Variants in CCDC171 observed in about 807,000 individuals in gnomAD.
The protein encoded by CCDC171 is coiled-coil domain-containing protein 171.
Under a neutral mutation model 168.2 loss-of-function variants are expected in CCDC171, and 177 were observed. That is an observed-to-expected ratio of 1.05 (90% CI 0.93 to 1.19). The LOEUF (loss-of-function observed/expected upper bound fraction) is 1.19. CCDC171 is among the 50% of genes most tolerant of loss of function. CCDC171 has a pLI of 0.00. For synonymous variants in CCDC171, 687 were observed against 540.8 expected (o/e 1.27, Z -3.75); for missense variants, 1,991 against 1,539.0 (o/e 1.29, Z -4.91).
intron 7 of CCDC171, among the ~76,000 whole-genome samples, chr9:15,637,986 G>C (rs956383322): frequency 1.3e-5 from 2 of 152,174 alleles, no homozygotes; most frequent in Non-Finnish European, 2.9e-5. Context: ...TATATACCCA[G>C]TAATGGGATG....
chr9:15,957,502 C>T (rs192006688), intron 25 of CCDC171, among the ~76,000 whole-genome samples: 4 of 152,266 alleles, frequency 2.6e-5, no homozygotes, highest in Non-Finnish European at 5.9e-5. Context: ...TAAGCTGTTT[C>T]CCCCTAACTG....
intron 3 of CCDC171, among the ~76,000 whole-genome samples, chr9:15,993,284 A>C (rs1194248427): frequency 6.6e-6 from 1 of 152,194 alleles, no homozygotes; most frequent in Non-Finnish European, 1.5e-5. Context: ...CCTCAGAAAT[A>C]ATACCACACA....
At chr9:15,562,312 A>G (rs923122149) in intron 1 of CCDC171, among the ~76,000 whole-genome samples, 3 of 152,044 alleles carry the variant, frequency 2.0e-5, no homozygotes, top group Non-Finnish European at 4.4e-5. Context: ...TGCTTCTTTA[A>G]GGTCAGCAGG....
In CCDC171 at chr9:15,972,030, TTTA is replaced by T. The variant is rs1433721313; in HGVS notation, c.*197_*199del. 8 of 526,172 alleles carry T rather than the reference TTTA, an allele frequency of 1.5e-5. No homozygotes were observed. Among genetic ancestry groups the T allele is most frequent in the Non-Finnish European group, 2.0e-5 (6 of 299,934 alleles). 32.6% of individuals were successfully genotyped at this position (526,172 alleles called of 1,614,324 possible). A position where few individuals can be genotyped will look rare whatever the true frequency, so the allele number is the denominator to read the frequency against. On this transcript the variant is annotated 3_prime_UTR_variant, in exon 26 of 26. Coordinates refer to ENST00000380701, the MANE Select transcript of CCDC171 (RefSeq NM_173550.4). ...ATAGCCAACTTTTTTCTCTCCAAGTTTTATTTGTTATCACAGTTGCTCATTTTT... is the reference window on the plus strand; with the variant it reads ...ATAGCCAACTTTTTTCTCTCCAAGTTTTTGTTATCACAGTTGCTCATTTTT...
At chr9:15,831,648 G>A (rs1384040812) in intron 21 of CCDC171, among the ~76,000 whole-genome samples, 3 of 152,210 alleles carry the variant, frequency 2.0e-5, no homozygotes, top group Admixed American at 6.5e-5. Flanking sequence ...CATACCATTT[G>A]TTCCAGTTAG....
At chr9:15,794,915 TTGTAA>T (rs1342815211) in intron 21 of CCDC171, among the ~76,000 whole-genome samples, 3 of 152,236 alleles carry the variant, frequency 2.0e-5, no homozygotes, top group Non-Finnish European at 2.9e-5. Flanking sequence ...TGGAATTGTC[TTGTAA>T]TGTATGTTTC....
chr9:15,753,731 A>C (rs2055911810), intron 18 of CCDC171, among the ~76,000 whole-genome samples: 1 of 152,060 alleles, frequency 6.6e-6, no homozygotes, highest in African/African-American at 2.4e-5. Context: ...GTTCAGGAAA[A>C]CTTTTTTTTA....
chr9:16,039,638 G>T (rs1833540072), upstream of CCDC171, among the ~76,000 whole-genome samples: 1 of 152,132 alleles, frequency 6.6e-6, no homozygotes, highest in Non-Finnish European at 1.5e-5. Context: ...AGCCCCTAAG[G>T]TTGTCCTCTT....
chr9:15,856,695 T>C (rs2061360341), intron 23 of CCDC171, among the ~76,000 whole-genome samples: 1 of 152,058 alleles, frequency 6.6e-6, no homozygotes, highest in Non-Finnish European at 1.5e-5. Flanking sequence ...TAGAGATTCT[T>C]ATTGCCCTTC....
At chr9:16,046,356 G>C (rs973114490) in intron 1 of CCDC171, among the ~76,000 whole-genome samples, 2 of 152,148 alleles carry the variant, frequency 1.3e-5, no homozygotes, top group Non-Finnish European at 2.9e-5. Flanking sequence ...CCAGAGACTT[G>C]GGTCTGCAGA....
chr9:16,067,313 GT>G, the CCDC171 span, among the ~76,000 whole-genome samples: 107 of 152,012 alleles, frequency 7.0e-4, no homozygotes, highest in African/African-American at 2.5e-3. Context: ...GGGGTTGTTT[GT>G]TTTTTTCTTG....
At chr9:15,870,762 A>G (rs2062001360) in intron 23 of CCDC171, among the ~76,000 whole-genome samples, 1 of 150,676 alleles carries the variant, frequency 6.6e-6, no homozygotes, top group Non-Finnish European at 1.5e-5. Flanking sequence ...TGACTAATTT[A>G]ATTTCATAGT....
intron 25 of CCDC171, among the ~76,000 whole-genome samples, chr9:15,952,892 C>T (rs1564060819): frequency 6.6e-6 from 1 of 152,054 alleles, no homozygotes; most frequent in Non-Finnish European, 1.5e-5. Context: ...ACAAATGTTT[C>T]CACCTCCTTG....
chr9:16,057,608 T>C (rs914396580), intron 1 of CCDC171, among the ~76,000 whole-genome samples: 1 of 152,156 alleles, frequency 6.6e-6, no homozygotes, highest in African/African-American at 2.4e-5. Context: ...GAATGCCAAG[T>C]CCAAAACCCT....
chr9:15,583,398 G>A (rs1398776734), intron 4 of CCDC171, among the ~76,000 whole-genome samples: 3 of 125,704 alleles, frequency 2.4e-5, no homozygotes, highest in Non-Finnish European at 4.8e-5. Flanking sequence ...GTGACAGCGA[G>A]ACTCCATCTC....
chr9:15,623,475 GCACA>G lies in CCDC171; in HGVS notation c.822+91_822+94del, dbSNP rs1554714957. 2.2e-3 allele frequency: 703 copies of G among 314,728 alleles called. 6 individuals carry two copies. Among genetic ancestry groups the G allele is most frequent in the Middle Eastern group, 7.0e-3 (8 of 1,150 alleles). 19.5% of individuals were successfully genotyped at this position (314,728 alleles called of 1,614,324 possible). A position where few individuals can be genotyped will look rare whatever the true frequency, so the allele number is the denominator to read the frequency against. On this transcript the variant is annotated intron_variant, in intron 7 of 25. Coordinates refer to ENST00000380701, the MANE Select transcript of CCDC171 (RefSeq NM_173550.4). The stretch of plus-strand genomic sequence containing the variant: ...CAAACTTTCACATATGCGCGCGCGC[GCACA>G]CACACACACACACACACACACACAC...
chr9:15,760,471 T>C (rs2056383100), intron 18 of CCDC171, among the ~76,000 whole-genome samples: 1 of 152,212 alleles, frequency 6.6e-6, no homozygotes, highest in South Asian at 2.1e-4. Flanking sequence ...TACCGTTGCT[T>C]ACTATTTGTG....
chr9:16,040,842 A>G (rs1833559990), upstream of CCDC171, among the ~76,000 whole-genome samples: 1 of 152,038 alleles, frequency 6.6e-6, no homozygotes, highest in African/African-American at 2.4e-5. Context: ...ACACATTCAC[A>G]TGCATAGTTT....
chr9:15,634,933 A>C (rs569784201), intron 7 of CCDC171, among the ~76,000 whole-genome samples: 1 of 152,068 alleles, frequency 6.6e-6, no homozygotes, highest in Non-Finnish European at 1.5e-5. Flanking sequence ...ACTTAGCATA[A>C]TGTTTTCAAG....
Sources: gnomAD v4.1 joint callset for allele counts (sites outside exome capture counted in the v4.1 genomes callset) on GRCh38, gnomAD v4.1.1 for gene constraint, MANE v1.5 for transcripts, NCBI Gene and HGNC (gene_info 2026-07-23, HGNC 2026-07-21) for gene names.